Variants in NACC2 observed in about 807,000 individuals in gnomAD.
NACC2 encodes NACC family member 2, also known as nucleus accumbens-associated protein 2.
Under a neutral mutation model 25.1 loss-of-function variants are expected in NACC2, and 8 were observed. The observed-to-expected ratio is 0.32, with a 90% CI of 0.19 to 0.57. The LOEUF (loss-of-function observed/expected upper bound fraction) is 0.57. Ranked by LOEUF, NACC2 falls within the 20% of genes least tolerant of loss-of-function variation. The pLI is 0.89. For synonymous variants in NACC2, 435 were observed against 294.7 expected (o/e 1.48, Z -4.88); for missense variants, 644 against 650.2 (o/e 0.99, Z 0.10).
chr9:136,065,501 T>C (rs935975857), intron 1 of NACC2, among the ~76,000 whole-genome samples: 1 of 152,192 alleles, frequency 6.6e-6, no homozygotes, highest in South Asian at 2.1e-4. Context: ...ACGCCAGTAG[T>C]CCCAGCTACT....
chr9:136,078,435 T>C (rs1830287242), intron 1 of NACC2, among the ~76,000 whole-genome samples: 1 of 152,206 alleles, frequency 6.6e-6, no homozygotes, highest in Non-Finnish European at 1.5e-5. Flanking sequence ...TAAATGGCAA[T>C]CCTTAATACA....
chr9:136,091,148 G>A (rs1024052574), intron 1 of NACC2, among the ~76,000 whole-genome samples: 5 of 152,152 alleles, frequency 3.3e-5, no homozygotes, highest in Admixed American at 1.3e-4. Context: ...ACTCCATGGC[G>A]GCCTCCTCTT....
intron 2 of NACC2, among the ~76,000 whole-genome samples, chr9:136,017,855 G>A (rs915253637): frequency 4.6e-5 from 7 of 152,202 alleles, no homozygotes; most frequent in Non-Finnish European, 7.4e-5. Context: ...CCGAGCGCAA[G>A]GCCTGCAGGG....
At chr9:136,075,395 C>A (rs971420383) in intron 1 of NACC2, among the ~76,000 whole-genome samples, 4 of 152,242 alleles carry the variant, frequency 2.6e-5, no homozygotes, top group African/African-American at 9.6e-5. Flanking sequence ...TACAGGGTGT[C>A]CACTCTCCCC....
At chr9:136,088,901 G>C (rs567368853) in intron 1 of NACC2, among the ~76,000 whole-genome samples, 1 of 152,242 alleles carries the variant, frequency 6.6e-6, no homozygotes, top group Non-Finnish European at 1.5e-5. Flanking sequence ...TTTCCCGGAG[G>C]AGACAGCAGG....
At chr9:136,090,230 G>C (rs1206326361) in intron 1 of NACC2, among the ~76,000 whole-genome samples, 2 of 152,224 alleles carry the variant, frequency 1.3e-5, no homozygotes, top group Non-Finnish European at 2.9e-5. Flanking sequence ...GCCTGGGTGG[G>C]GGCCCTGGCC....
At chr9:136,072,757 G>A (rs1830211957) in intron 1 of NACC2, among the ~76,000 whole-genome samples, 1 of 152,156 alleles carries the variant, frequency 6.6e-6, no homozygotes, top group Non-Finnish European at 1.5e-5. Flanking sequence ...GGCTGAGGCA[G>A]GAGAACCACT....
intron 1 of NACC2, among the ~76,000 whole-genome samples, chr9:136,054,587 G>T (rs1236925272): frequency 6.6e-6 from 1 of 152,320 alleles, no homozygotes; most frequent in Admixed American, 6.5e-5. Flanking sequence ...CGAGGGCCCA[G>T]GTGGGCCCAG....
chr9:136,060,182 A>G (rs1840988346), intron 1 of NACC2, among the ~76,000 whole-genome samples: 1 of 152,262 alleles, frequency 6.6e-6, no homozygotes, highest in Admixed American at 6.5e-5. Flanking sequence ...AAGCTGCCAC[A>G]TAATTGTCCT....
rs2131166550 is a variant in NACC2 at position 136,055,092 on chromosome 9, C to T, written c.-59-4512G>A. ...GGGGTCTCTCCTCTGCAGAGCCTCA[C>T]TTGAGGAAGGCTGAGATCCAGGCCT... On this transcript the variant is annotated intron_variant, in intron 1 of 5. Transcript: ENST00000277554. The surrounding 1 kb of genome is among the most constrained non-coding windows in gnomAD (Gnocchi z 4.9). Among the ~76,000 whole-genome samples, 1 of 152,248 alleles carries T rather than the reference C, an allele frequency of 6.6e-6. No homozygotes were observed. The highest frequency in any genetic ancestry group is 2.4e-5 in the African/African-American group (1 of 41,554).
At position 136,007,498 on chromosome 9, in the gene NACC2, C is replaced by G. The variant is rs2131125658; in HGVS notation, c.*4018G>C. 6.6e-6 allele frequency: 1 copy of G among 151,166 alleles called. No homozygotes were observed. The highest frequency in any genetic ancestry group is 2.1e-4 in the South Asian group (1 of 4,790). 9.4% of individuals were successfully genotyped at this position (151,166 alleles called of 1,614,324 possible). ...ACAGACGCACACACGCACAGACACA[C>G]ACATGCACAGACGCGCACACACAGA... On this transcript the variant is annotated 3_prime_UTR_variant, in exon 6 of 6. Coordinates refer to ENST00000277554, the MANE Select transcript of NACC2 (RefSeq NM_144653.5).
chr9:136,092,782 A>G (rs1466519966), intron 1 of NACC2, among the ~76,000 whole-genome samples: 2 of 152,200 alleles, frequency 1.3e-5, no homozygotes, highest in East Asian at 1.9e-4. Context: ...CCGGAGAAAC[A>G]TGCTGGTGTA....
intron 2 of NACC2, among the ~76,000 whole-genome samples, chr9:136,023,058 A>G (rs1303521946): frequency 2.6e-4 from 7 of 27,156 alleles, no homozygotes; most frequent in South Asian, 1.9e-3. Flanking sequence ...AGGAGGGAGG[A>G]AGGAGGGAAG....
chr9:136,031,823 C>T (rs1409083279), intron 2 of NACC2, among the ~76,000 whole-genome samples: 1 of 152,204 alleles, frequency 6.6e-6, no homozygotes, highest in Non-Finnish European at 1.5e-5. Context: ...CTCATGGAAC[C>T]GATTTAACCC....
At chr9:136,034,803 A>G (rs905435407) in intron 2 of NACC2, among the ~76,000 whole-genome samples, 332 of 152,292 alleles carry the variant, frequency 2.2e-3, no homozygotes, top group Non-Finnish European at 4.1e-3. Flanking sequence ...AGAAATAATC[A>G]TAATTGGGGG....
intron 2 of NACC2, among the ~76,000 whole-genome samples, chr9:136,032,721 A>G (rs1418006954): frequency 6.6e-6 from 1 of 152,026 alleles, no homozygotes; most frequent in African/African-American, 2.4e-5. Flanking sequence ...ACATGGTGAA[A>G]CCCCATCTCT....
At chr9:136,044,156 G>A (rs1840685172) in intron 2 of NACC2, among the ~76,000 whole-genome samples, 1 of 152,132 alleles carries the variant, frequency 6.6e-6, no homozygotes, top group African/African-American at 2.4e-5. Context: ...AAAAAAGGCG[G>A]GGAGGAGAGA....
chr9:136,034,089 A>T (rs1840517026), intron 2 of NACC2, among the ~76,000 whole-genome samples: 1 of 152,242 alleles, frequency 6.6e-6, no homozygotes, highest in Admixed American at 6.5e-5. Context: ...GTACTGCCAT[A>T]GGGAAAAACA....
chr9:136,038,026 C>G (rs1312606901), intron 2 of NACC2, among the ~76,000 whole-genome samples: 1 of 152,140 alleles, frequency 6.6e-6, no homozygotes, highest in African/African-American at 2.4e-5. Flanking sequence ...AAAAAAGAAT[C>G]AATGCTAATA....
Sources: gnomAD v4.1 joint callset for allele counts (sites outside exome capture counted in the v4.1 genomes callset) on GRCh38, gnomAD v4.1.1 for gene constraint, Gnocchi (gnomAD v3.1) non-coding constraint, MANE v1.5 for transcripts, NCBI Gene and HGNC (gene_info 2026-07-23, HGNC 2026-07-21) for gene names.